Variants in CTNND2 observed in about 807,000 individuals in gnomAD.
CTNND2 encodes the protein catenin delta 2.
In CTNND2, 22 loss-of-function variants were observed where a neutral mutation model predicts 144.4. The observed-to-expected ratio is 0.15, with a 90% CI of 0.11 to 0.22. The LOEUF is 0.22. CTNND2 is among the 10% of genes least tolerant of loss of function. The probability of loss-of-function intolerance (pLI) is 1.00; values close to 1 mark genes in which losing one functional copy is unlikely to be tolerated. For synonymous variants in CTNND2, 751 were observed against 695.6 expected (o/e 1.08, Z -1.25); for missense variants, 1,353 against 1,618.8 (o/e 0.84, Z 2.82).
intron 9 of CTNND2, among the ~76,000 whole-genome samples, chr5:11,330,315 C>CAAAAA (rs1257414767): frequency 0.045 from 3,692 of 82,188 alleles, 96 homozygotes; most frequent in African/African-American, 0.078. Flanking sequence ...ACTAAAAATA[C>CAAAAA]AAAAAAAAAA....
In CTNND2 at chr5:11,887,070, G is replaced by A. The variant is rs967092593; in HGVS notation, c.37+16747C>T. The stretch of plus-strand genomic sequence containing the variant: ...GCGATCTCGGCTCACTGCAAGCTCT[G>A]CCTCCCGGGTTCACTCCATTCTTCT... On this transcript the variant is annotated intron_variant, in intron 1 of 21. Transcript: ENST00000304623. Among the ~76,000 whole-genome samples, 3 of 135,606 alleles carry A rather than the reference G, an allele frequency of 2.2e-5. No individual in the cohort carries two copies. In the Admixed American group the frequency reaches 2.7e-4, roughly 12 times the overall value. 89.0% of individuals were successfully genotyped at this position (135,606 alleles called of 152,430 possible).
At chr5:11,023,059 G>T in intron 16 of CTNND2, 80 bp from the exon 17 acceptor site, 1 of 1,306,372 alleles carries the variant, frequency 7.7e-7, no homozygotes, top group Non-Finnish European at 1.1e-6. Context: ...GTATGGGGGA[G>T]AAGAGAATAC....
intron 6 of CTNND2, among the ~76,000 whole-genome samples, chr5:11,391,153 G>A (rs1759595638): frequency 6.8e-6 from 1 of 148,020 alleles, no homozygotes; most frequent in Admixed American, 6.8e-5. Context: ...AGTGAGTTAA[G>A]AAAGGCAGGA....
intron 2 of CTNND2, among the ~76,000 whole-genome samples, chr5:11,664,730 C>T (rs779369319): frequency 3.9e-5 from 6 of 152,160 alleles, no homozygotes; most frequent in Non-Finnish European, 8.8e-5. Context: ...TTATTACCTC[C>T]AATTCATTTC....
At chr5:11,705,365 G>C (rs1785644849) in intron 2 of CTNND2, among the ~76,000 whole-genome samples, 2 of 152,156 alleles carry the variant, frequency 1.3e-5, no homozygotes, top group Admixed American at 1.3e-4. Flanking sequence ...TTATTAGAAA[G>C]AGAAAAAGCT....
At chr5:11,269,807 T>TC (rs1580757352) in intron 9 of CTNND2, among the ~76,000 whole-genome samples, 1 of 152,172 alleles carries the variant, frequency 6.6e-6, no homozygotes, top group African/African-American at 2.4e-5. Context: ...ATGCAGGACA[T>TC]CATCTGTATT....
chr5:11,101,764 C>G (rs1223356972), intron 14 of CTNND2, among the ~76,000 whole-genome samples: 1 of 152,078 alleles, frequency 6.6e-6, no homozygotes, highest in Non-Finnish European at 1.5e-5. Flanking sequence ...AAAATGTCAT[C>G]AAGTCAGGAG....
chr5:11,061,988 C>T (rs747272518), intron 16 of CTNND2, among the ~76,000 whole-genome samples: 2 of 152,194 alleles, frequency 1.3e-5, no homozygotes, highest in African/African-American at 4.8e-5. Flanking sequence ...AGATTACAGG[C>T]GTGAGCCACT....
chr5:11,413,374 CTTA>C (rs1450716166), intron 3 of CTNND2, among the ~76,000 whole-genome samples: 1 of 152,150 alleles, frequency 6.6e-6, no homozygotes, highest in Non-Finnish European at 1.5e-5. Context: ...GTAGTCCCAT[CTTA>C]TTATTCAAGA....
chr5:11,875,268 T>C, intron 1 of CTNND2, among the ~76,000 whole-genome samples: 1 of 152,188 alleles, frequency 6.6e-6, no homozygotes, highest in East Asian at 1.9e-4. Flanking sequence ...ACCTCCCTCT[T>C]CCTACAACCT....
At chr5:11,775,787 T>C (rs1055010409) in intron 1 of CTNND2, among the ~76,000 whole-genome samples, 2 of 152,192 alleles carry the variant, frequency 1.3e-5, no homozygotes, top group African/African-American at 2.4e-5. Flanking sequence ...CTGGAATCTG[T>C]GAATGTGACC....
chr5:11,689,805 T>A (rs1784814262), intron 2 of CTNND2, among the ~76,000 whole-genome samples: 1 of 152,208 alleles, frequency 6.6e-6, no homozygotes, highest in Non-Finnish European at 1.5e-5. Context: ...GAAAATGATT[T>A]CCTTCAACTT....
At chr5:11,130,945 G>C (rs6864900) in intron 12 of CTNND2, among the ~76,000 whole-genome samples, 24,220 of 152,000 alleles carry the variant, frequency 0.16, 3,899 homozygotes, top group African/African-American at 0.4. Flanking sequence ...TTCCCATCAA[G>C]AGGACCTCTG....
chr5:11,637,570 T>C (rs1033071639), intron 2 of CTNND2, among the ~76,000 whole-genome samples: 7 of 152,128 alleles, frequency 4.6e-5, no homozygotes, highest in African/African-American at 1.7e-4. Context: ...CTCAGAACAA[T>C]GCCAGCGAAA....
chr5:11,212,058 C>T (rs28731189), intron 10 of CTNND2, among the ~76,000 whole-genome samples: 170 of 152,134 alleles, frequency 1.1e-3, no homozygotes, highest in African/African-American at 3.9e-3. Context: ...TTGTTATGCA[C>T]ATATTTTTTT....
intron 3 of CTNND2, among the ~76,000 whole-genome samples, chr5:11,483,456 T>C (rs1005115297): frequency 3.9e-5 from 6 of 152,202 alleles, no homozygotes; most frequent in South Asian, 4.1e-4. Context: ...CATCTGGCCG[T>C]TGGCAAAGAA....
At chr5:11,715,796 A>G (rs1786317826) in intron 2 of CTNND2, among the ~76,000 whole-genome samples, 1 of 152,238 alleles carries the variant, frequency 6.6e-6, no homozygotes, top group Non-Finnish European at 1.5e-5. Context: ...GGTCAATGTG[A>G]GCTAGTTTAA....
At chr5:11,224,716 T>G (rs1740149720) in intron 10 of CTNND2, among the ~76,000 whole-genome samples, 1 of 152,204 alleles carries the variant, frequency 6.6e-6, no homozygotes, top group Non-Finnish European at 1.5e-5. Flanking sequence ...ACAGTGCTGT[T>G]CTGGAAGGTT....
rs1795733641 is a variant in CTNND2 at position 11,865,814 on chromosome 5, T to C, written c.37+38003A>G. 2.0e-5 allele frequency among the ~76,000 whole-genome samples: 3 copies of C among 147,858 alleles called. No individual in the cohort carries two copies. In the South Asian group the frequency reaches 6.4e-4, roughly 32 times the overall value. On this transcript the variant is annotated intron_variant, in intron 1 of 21. Coordinates refer to ENST00000304623, the MANE Select transcript of CTNND2 (RefSeq NM_001332.4). ...AGAACTATAGACGTAATGTGGAAAGTACTCAGCCTGTTGACACGGTCTTTG... is the reference window on the plus strand; with the variant it reads ...AGAACTATAGACGTAATGTGGAAAGCACTCAGCCTGTTGACACGGTCTTTG...
Sources: gnomAD v4.1 joint callset for allele counts (sites outside exome capture counted in the v4.1 genomes callset) on GRCh38, gnomAD v4.1.1 for gene constraint, MANE v1.5 for transcripts, NCBI Gene and HGNC (gene_info 2026-07-23, HGNC 2026-07-21) for gene names.